MTERF4: variants seen among roughly 807,000 people sequenced by gnomAD.
MTERF4 encodes the protein transcription termination factor 4, mitochondrial.
In MTERF4, 17 loss-of-function variants were observed where a neutral mutation model predicts 22.5. The ratio of observed to expected loss-of-function variants is 0.75; its 90% CI spans 0.52 to 1.13. MTERF4 has a LOEUF of 1.13. Ranked by LOEUF, MTERF4 falls within the 50% of genes most tolerant of loss-of-function variation. MTERF4 has a pLI of 0.00. For missense variants in MTERF4, 420 were observed against 466.8 expected (o/e 0.90, Z 0.92); for synonymous variants, 165 against 175.3 (o/e 0.94, Z 0.47).
At chr2:241,077,571 GACAA>G (rs1280789739) in intron 4 of MTERF4, among the ~76,000 whole-genome samples, 1 of 151,928 alleles carries the variant, frequency 6.6e-6, no homozygotes, top group Non-Finnish European at 1.5e-5. Flanking sequence ...ACAATAAAAA[GACAA>G]ACAACCCAGT....
At chr2:241,074,159 G>T (rs1187906880) in exon 5 of MTERF4, 1 of 152,290 alleles carries the variant, frequency 6.6e-6, no homozygotes. Context: ...GTAAAGGTGT[G>T]AGCTGCTGAG....
chr2:241,067,205 C>G (rs972761864), downstream of MTERF4, among the ~76,000 whole-genome samples: 39 of 152,180 alleles, frequency 2.6e-4, no homozygotes, highest in Non-Finnish European at 4.7e-4. Context: ...GCTGAGTTGC[C>G]GGGAGCTGAG....
At chr2:241,091,581 A>G (rs576668795), downstream of MTERF4, 1 of 152,360 alleles carries the variant, frequency 6.6e-6, no homozygotes, top group East Asian at 1.9e-4. This position sits in a 1 kb window ranked among gnomAD's most constrained non-coding sequence, Gnocchi z 4.1. Context: ...GCCCATTTAA[A>G]GAGGAGTGGG....
At chr2:241,083,047 G>C (rs994583449), downstream of MTERF4, among the ~76,000 whole-genome samples, 2 of 151,608 alleles carry the variant, frequency 1.3e-5, no homozygotes, top group African/African-American at 2.4e-5. Context: ...GTTCATTGCA[G>C]ATGAGGGGAC....
At position 241,073,477 on chromosome 2, in the gene MTERF4, T is replaced by A; in HGVS notation, n.2685A>T. ...GTGAGGAATCAGGAGGCACAGAGCC[T>A]ACCTGAGGGGAGGCTGAGCACCAGG... On this transcript the variant is annotated non_coding_transcript_exon_variant, in exon 5 of 5. Transcript: ENST00000464344. The surrounding 1 kb of genome is among the most constrained non-coding windows in gnomAD (Gnocchi z 6.6). 1.1e-6 allele frequency: 1 copy of A among 872,326 alleles called. No individual in the cohort carries two copies. Among genetic ancestry groups the A allele is most frequent in the Non-Finnish European group, 1.9e-6 (1 of 531,558 alleles). 54.0% of individuals were successfully genotyped at this position (872,326 alleles called of 1,614,324 possible). A position where few individuals can be genotyped will look rare whatever the true frequency, so the allele number is the denominator to read the frequency against.
chr2:241,069,120 A>C (rs1315110591), downstream of MTERF4: 4 of 778,812 alleles, frequency 5.1e-6, no homozygotes, highest in Non-Finnish European at 8.0e-6. This position sits in a 1 kb window ranked among gnomAD's most constrained non-coding sequence, Gnocchi z 4.9. Context: ...AAGCGTCCAC[A>C]ACACCAGAAA....
chr2:241,044,203 A>G, the MTERF4 span, among the ~76,000 whole-genome samples: 2 of 152,246 alleles, frequency 1.3e-5, no homozygotes, highest in African/African-American at 2.4e-5. Context: ...GTCTAGTCAT[A>G]TTGGTAGTTA....
the MTERF4 span, chr2:241,053,178 G>A: frequency 1.9e-6 from 3 of 1,611,030 alleles, no homozygotes; most frequent in Non-Finnish European, 2.5e-6. Flanking sequence ...CCCCGGAGGA[G>A]GTGAAGCACG....
chr2:241,089,613 C>T (rs189849817), downstream of MTERF4, among the ~76,000 whole-genome samples: 405 of 152,346 alleles, frequency 2.7e-3, no homozygotes, highest in Admixed American at 5.3e-3. Flanking sequence ...GCATTCACTT[C>T]CTGTTGACTC....
the MTERF4 span, chr2:241,063,448 G>A: frequency 1.5e-6 from 1 of 687,478 alleles, no homozygotes; most frequent in African/African-American, 1.8e-5. Context: ...GCTGATGGAA[G>A]AAAAAGCACA....
At chr2:241,048,425 C>T in the MTERF4 span, 17 of 1,607,824 alleles carry the variant, frequency 1.1e-5, no homozygotes, top group Admixed American at 1.2e-4. Flanking sequence ...CTTCATGGGC[C>T]TGGACTGCAG....
chr2:241,092,202 C>A (rs988360992), downstream of MTERF4: 2 of 152,206 alleles, frequency 1.3e-5, no homozygotes, highest in African/African-American at 4.8e-5. This position sits in a 1 kb window ranked among gnomAD's most constrained non-coding sequence, Gnocchi z 4.6. Flanking sequence ...GTGTTTATGA[C>A]GCTCGTGCAG....
chr2:241,071,896 C>T (rs1464127996), downstream of MTERF4: 6 of 1,583,526 alleles, frequency 3.8e-6, no homozygotes, highest in Middle Eastern at 1.7e-4. Context: ...CCAGGGCCTC[C>T]CCACCCACCT....
downstream of MTERF4, among the ~76,000 whole-genome samples, chr2:241,067,333 T>C (rs2062498176): frequency 6.6e-6 from 1 of 152,208 alleles, no homozygotes; most frequent in South Asian, 2.1e-4. Context: ...CTGGGAGTTC[T>C]GTATGTCTGT....
the MTERF4 span, among the ~76,000 whole-genome samples, chr2:241,057,867 TAAGAG>T: frequency 1.5e-4 from 23 of 152,220 alleles, no homozygotes; most frequent in East Asian, 1.2e-3. Flanking sequence ...TAAACCCAGT[TAAGAG>T]AAGGGAGAGT....
intron 4 of MTERF4, among the ~76,000 whole-genome samples, chr2:241,081,133 C>T (rs1260687911): frequency 6.6e-6 from 1 of 152,236 alleles, no homozygotes; most frequent in African/African-American, 2.4e-5. Context: ...GGGGTGCACA[C>T]GCATCCCTGG....
chr2:241,052,364 C>T, the MTERF4 span: 9 of 1,575,058 alleles, frequency 5.7e-6, no homozygotes, highest in Admixed American at 1.6e-4. Context: ...GCCCCCTCCC[C>T]CTGCTTCCGG....
chr2:241,068,829 C>CT, downstream of MTERF4: 1 of 976,856 alleles, frequency 1.0e-6, no homozygotes, highest in South Asian at 1.6e-5. This position sits in a 1 kb window ranked among gnomAD's most constrained non-coding sequence, Gnocchi z 5.3. Flanking sequence ...CACCTCCTGC[C>CT]TGGGGGAGCT....
chr2:241,065,024 G>C, the MTERF4 span: 2 of 1,227,226 alleles, frequency 1.6e-6, no homozygotes, highest in African/African-American at 3.1e-5. Flanking sequence ...AGGGCCCAAC[G>C]GTCTCCAAGG....
Sources: allele counts gnomAD v4.1 joint callset (sites outside exome capture counted in the v4.1 genomes callset), GRCh38; gene constraint gnomAD v4.1.1; non-coding constraint Gnocchi (gnomAD v3.1); transcripts MANE v1.5; gene names NCBI Gene and HGNC (gene_info 2026-07-23, HGNC 2026-07-21).